Variants in FANCD2OS observed in about 807,000 individuals in gnomAD.
FANCD2OS encodes FANCD2 opposite strand protein.
In FANCD2OS, 11 loss-of-function variants were observed where a neutral mutation model predicts 13.2. The observed-to-expected ratio is 0.83, with a 90% CI of 0.52 to 1.38. The LOEUF (loss-of-function observed/expected upper bound fraction) is 1.38, where lower values mean the gene tolerates loss of function less well. Among genes scored for constraint, FANCD2OS ranks in the 40% most tolerant of loss-of-function variants. The pLI is 0.00. For synonymous variants in FANCD2OS, 69 were observed against 84.5 expected (o/e 0.82, Z 1.01); for missense variants, 217 against 213.9 (o/e 1.01, Z -0.09).
At chr3:10,088,807 A>T in intron 2 of FANCD2OS, 4 of 1,613,696 alleles carry the variant, frequency 2.5e-6, no homozygotes, top group Non-Finnish European at 2.5e-6. Context: ...TAGTGGGTCA[A>T]ATATTTGACT....
chr3:10,099,723 A>G (rs1255924009), downstream of FANCD2OS: 1 of 152,444 alleles, frequency 6.6e-6, no homozygotes, highest in Non-Finnish European at 1.5e-5. Context: ...ATGCTACTGC[A>G]CTCCAGCCTG....
chr3:10,085,055 C>G (rs376473059), intron 2 of FANCD2OS, among the ~76,000 whole-genome samples: 12 of 152,268 alleles, frequency 7.9e-5, no homozygotes, highest in African/African-American at 2.6e-4. Flanking sequence ...ATAGAAATGT[C>G]AAGACTTGAC....
At chr3:10,094,016 C>CT (rs1341738961) in intron 2 of FANCD2OS, among the ~76,000 whole-genome samples, 1 of 152,196 alleles carries the variant, frequency 6.6e-6, no homozygotes, top group Non-Finnish European at 1.5e-5. Context: ...CCCCTCTACT[C>CT]TATGCTCTCA....
chr3:10,098,769 G>T, downstream of FANCD2OS: 1 of 1,614,010 alleles, frequency 6.2e-7, no homozygotes, highest in Non-Finnish European at 8.5e-7. Flanking sequence ...GCAGATGAGA[G>T]TGAGGATGAC....
rs149005603 is a variant in FANCD2OS, at chr3:10,107,246, T to C, written c.-9+769A>G. Among the ~76,000 whole-genome samples the C allele has an allele frequency of 1.9e-3, 283 of 152,094 alleles. 1 individual carries two copies. Among genetic ancestry groups the C allele is most frequent in the Non-Finnish European group, 2.0e-3 (137 of 67,978 alleles). On this transcript the variant is annotated intron_variant, in intron 1 of 1. Transcript: ENST00000450660. ...CAAGCATATTTTTAATCCCAGAATA[T>C]GGGATTTAAAAAAGTATTTAATCCC...
At chr3:10,083,327 A>T (rs894195641) in intron 2 of FANCD2OS, among the ~76,000 whole-genome samples, 1 of 152,212 alleles carries the variant, frequency 6.6e-6, no homozygotes, top group Non-Finnish European at 1.5e-5. Flanking sequence ...ACATGAAAGG[A>T]TGTTTATTAC....
downstream of FANCD2OS, chr3:10,102,042 C>T (rs2125106758): frequency 5.8e-6 from 1 of 170,980 alleles, no homozygotes; most frequent in East Asian, 1.1e-4. Context: ...TAACATAGTT[C>T]TGCCGATTAA....
intron 2 of FANCD2OS, among the ~76,000 whole-genome samples, chr3:10,097,156 G>A (rs1695019054): frequency 6.6e-6 from 1 of 152,172 alleles, no homozygotes; most frequent in Non-Finnish European, 1.5e-5. Context: ...AATATCACAA[G>A]GCAAGTGGAG....
At chr3:10,089,952 C>T (rs1288286059) in intron 2 of FANCD2OS, among the ~76,000 whole-genome samples, 2 of 152,136 alleles carry the variant, frequency 1.3e-5, no homozygotes, top group Non-Finnish European at 2.9e-5. Flanking sequence ...CCCTATTTTA[C>T]TGCTGAGGAA....
downstream of FANCD2OS, chr3:10,101,854 G>C: frequency 5.3e-6 from 1 of 190,356 alleles, no homozygotes; most frequent in Non-Finnish European, 1.1e-5. Flanking sequence ...TGGACTTTGG[G>C]AGCTAGTTTT....
chr3:10,101,038 C>T (rs1695268530), downstream of FANCD2OS: 2 of 589,816 alleles, frequency 3.4e-6, no homozygotes, highest in Middle Eastern at 4.5e-4. Context: ...CACTGCATTC[C>T]AGCCTGGTGA....
chr3:10,089,376 G>A (rs1433577150), intron 2 of FANCD2OS, among the ~76,000 whole-genome samples: 1 of 152,136 alleles, frequency 6.6e-6, no homozygotes, highest in Non-Finnish European at 1.5e-5. Flanking sequence ...GATACAGACA[G>A]TAGATATAAT....
Position 10,103,966 on chromosome 3 carries a change from T to C in FANCD2OS, c.*275A>G, listed in dbSNP as rs1575890194. On this transcript the variant is annotated 3_prime_UTR_variant, in exon 2 of 2. Transcript: ENST00000450660. ...AGTTCACACTAGGCTCATTGGTTTATATCATTTGTTTAACGGTTATCACAT... is the reference window on the plus strand; with the variant it reads ...AGTTCACACTAGGCTCATTGGTTTACATCATTTGTTTAACGGTTATCACAT... 1.4e-5 allele frequency: 6 copies of C among 418,834 alleles called. No homozygotes were observed. In the East Asian group the frequency reaches 2.1e-4, roughly 15 times the overall value. The allele number at this position is 418,834 out of a possible 1,614,324, so 25.9% of individuals were successfully genotyped here.
chr3:10,106,809 G>C (rs1695506856), intron 1 of FANCD2OS, among the ~76,000 whole-genome samples: 1 of 152,176 alleles, frequency 6.6e-6, no homozygotes, highest in Non-Finnish European at 1.5e-5. Context: ...GGGTACTCAG[G>C]AGGCCGAAGC....
chr3:10,096,913 G>A (rs1238209542), intron 2 of FANCD2OS, among the ~76,000 whole-genome samples: 5 of 152,038 alleles, frequency 3.3e-5, no homozygotes, highest in Admixed American at 6.6e-5. Context: ...CGATAATCAC[G>A]TAGGTTCTTT....
downstream of FANCD2OS, among the ~76,000 whole-genome samples, chr3:10,100,381 C>G (rs959104495): frequency 1.3e-5 from 2 of 152,128 alleles, no homozygotes; most frequent in Non-Finnish European, 2.9e-5. Context: ...CAGCACAGCA[C>G]TTCTTTTTTT....
chr3:10,097,939 C>G (rs1695074409), downstream of FANCD2OS, among the ~76,000 whole-genome samples: 1 of 152,152 alleles, frequency 6.6e-6, no homozygotes, highest in Admixed American at 6.5e-5. Context: ...GTTTGGGGTC[C>G]CTGACTTCCC....
intron 2 of FANCD2OS, chr3:10,087,278 ATCC>A (rs2125073158): frequency 7.2e-7 from 1 of 1,387,110 alleles, no homozygotes; most frequent in Non-Finnish European, 9.7e-7. Flanking sequence ...ATGGGCCTAG[ATCC>A]TTTTTTTTTT....
intron 2 of FANCD2OS, among the ~76,000 whole-genome samples, chr3:10,089,637 T>G (rs1694463585): frequency 6.6e-6 from 1 of 152,040 alleles, no homozygotes; most frequent in Admixed American, 6.5e-5. Context: ...ACCCGGCTAA[T>G]TTTTGTATTT....
Sources: allele counts gnomAD v4.1 joint callset (sites outside exome capture counted in the v4.1 genomes callset), GRCh38; gene constraint gnomAD v4.1.1; transcripts MANE v1.5; gene names NCBI Gene and HGNC (gene_info 2026-07-23, HGNC 2026-07-21).